The following SHROOM3 variants were observed in gnomAD, a reference collection of about 807,000 sequenced individuals.
SHROOM3 encodes the protein shroom family member 3.
SHROOM3 carries 47 observed loss-of-function variants against 138.6 expected under a neutral mutation model. The ratio of observed to expected loss-of-function variants is 0.34; its 90% CI spans 0.27 to 0.43. The LOEUF is 0.43. Among genes scored for constraint, SHROOM3 ranks in the 20% least tolerant of loss-of-function variants. SHROOM3 has a pLI of 1.00. For synonymous variants in SHROOM3, 1,062 were observed against 1,063.3 expected (o/e 1.00, Z 0.02); for missense variants, 2,491 against 2,596.5 (o/e 0.96, Z 0.88).
intron 4 of SHROOM3, among the ~76,000 whole-genome samples, chr4:76,731,780 CA>C (rs796647227): frequency 8.8e-6 from 1 of 113,482 alleles, no homozygotes; most frequent in Admixed American, 9.0e-5. Context: ...GACTTCATCT[CA>C]AAAAAAAAAC....
chr4:76,686,226 C>A (rs1476031136), intron 2 of SHROOM3, among the ~76,000 whole-genome samples: 1 of 151,976 alleles, frequency 6.6e-6, no homozygotes, highest in Non-Finnish European at 1.5e-5. Flanking sequence ...CCCTATGTTG[C>A]CCAGACTGGT....
At chr4:76,697,035 G>A (rs1304497299) in intron 2 of SHROOM3, among the ~76,000 whole-genome samples, 2 of 151,886 alleles carry the variant, frequency 1.3e-5, no homozygotes, top group Non-Finnish European at 2.9e-5. Flanking sequence ...TCCCATCTCA[G>A]CTTCCTGAGT....
intron 2 of SHROOM3, among the ~76,000 whole-genome samples, chr4:76,678,824 C>G (rs928410493): frequency 2.0e-5 from 3 of 152,092 alleles, no homozygotes; most frequent in African/African-American, 7.2e-5. Flanking sequence ...CCATGCCCGG[C>G]TAATTTTTTG....
intron 2 of SHROOM3, among the ~76,000 whole-genome samples, chr4:76,701,300 G>T (rs935588050): frequency 3.9e-5 from 6 of 152,098 alleles, no homozygotes; most frequent in African/African-American, 1.2e-4. Flanking sequence ...GAGGCTTTTG[G>T]TATTAAATGT....
chr4:76,718,168 T>A (rs984808802), intron 3 of SHROOM3, among the ~76,000 whole-genome samples: 6 of 152,228 alleles, frequency 3.9e-5, no homozygotes, highest in African/African-American at 1.4e-4. Context: ...GCTTATATTA[T>A]CAAATTTGCT....
In SHROOM3 at chr4:76,740,725, G is replaced by C; in HGVS notation, c.2552G>C (p.Gly851Ala). The change falls in exon 5 of 11, where the codon GGG becomes GCG. Residue 851 changes from glycine to alanine, a missense_variant. This residue lies in a region of SHROOM3 where 1,733 missense variants were observed against 1,661.6 expected (regional missense o/e 1.04). Transcript: ENST00000296043. The surrounding 1 kb of genome is among the most constrained non-coding windows in gnomAD (Gnocchi z 4.0). ...LGNGEQHFKNGELKLEEASRQ... is the reference protein window; with the variant it reads ...LGNGEQHFKNAELKLEEASRQ... ...AACGGGGAGCAGCACTTCAAAAACG[G>C]GGAGCTGAAGTTGGAAGAGGCTTCC... 1 of 1,613,538 alleles carries C rather than the reference G, an allele frequency of 6.2e-7. No homozygotes were observed. Among genetic ancestry groups the C allele is most frequent in the Admixed American group, 1.7e-5 (1 of 60,034 alleles).
intron 1 of SHROOM3, among the ~76,000 whole-genome samples, chr4:76,464,354 A>G (rs1031074663): frequency 1.3e-5 from 2 of 152,124 alleles, no homozygotes; most frequent in African/African-American, 4.8e-5. Context: ...TCCAATTTGG[A>G]AAGGGAGCAT....
chr4:76,652,523 G>A (rs1381944117), intron 2 of SHROOM3, among the ~76,000 whole-genome samples: 2 of 152,336 alleles, frequency 1.3e-5, no homozygotes, highest in East Asian at 3.9e-4. Context: ...GTTACACATA[G>A]CTGATGGGAC....
intron 2 of SHROOM3, among the ~76,000 whole-genome samples, chr4:76,666,173 G>A (rs572794312): frequency 1.3e-5 from 2 of 152,320 alleles, no homozygotes; most frequent in African/African-American, 4.8e-5. Context: ...TGCATTGTCG[G>A]TCTAGGGTTT....
intron 2 of SHROOM3, among the ~76,000 whole-genome samples, chr4:76,652,740 C>T (rs975124254): frequency 2.8e-5 from 4 of 141,604 alleles, no homozygotes; most frequent in African/African-American, 1.1e-4. Context: ...GTAAGAGATA[C>T]ACTTGAGTCT....
rs182835233 is a variant in SHROOM3 at position 76,707,534 on chromosome 4, G to A, written c.324-2622G>A. 2.9e-3 allele frequency among the ~76,000 whole-genome samples: 439 copies of A among 152,260 alleles called. 2 individuals carry two copies. The highest frequency in any genetic ancestry group is 0.01 in the African/African-American group (426 of 41,542). On this transcript the variant is annotated intron_variant, in intron 2 of 10. Coordinates refer to ENST00000296043, the MANE Select transcript of SHROOM3 (RefSeq NM_020859.4). ...CCAGTGGGGCACCATTCCCCGATAA[G>A]ATCAAAGCACATTGCAGACTTTGTC...
intron 2 of SHROOM3, among the ~76,000 whole-genome samples, chr4:76,616,398 A>G (rs1274533874): frequency 6.6e-6 from 1 of 152,224 alleles, no homozygotes; most frequent in East Asian, 1.9e-4. Context: ...CAAAAGGTGG[A>G]AGCAACCAAG....
At chr4:76,503,167 C>CCACACACACACACACA (rs111393161) in intron 1 of SHROOM3, among the ~76,000 whole-genome samples, 22,408 of 145,618 alleles carry the variant, frequency 0.15, 2,034 homozygotes, top group East Asian at 0.4. Context: ...TTGTCAACTT[C>CCACACACACACACACA]CACACACACA....
intron 2 of SHROOM3, among the ~76,000 whole-genome samples, chr4:76,658,281 T>C (rs1736110453): frequency 6.6e-6 from 1 of 152,186 alleles, no homozygotes; most frequent in South Asian, 2.1e-4. Context: ...ATTACAGAAA[T>C]TCCTGCTTCA....
At chr4:76,457,641 A>G (rs922836790) in intron 1 of SHROOM3, among the ~76,000 whole-genome samples, 15 of 151,442 alleles carry the variant, frequency 9.9e-5, no homozygotes, top group African/African-American at 3.6e-4. Context: ...ACAGGCACGC[A>G]CCACCACGCC....
intron 1 of SHROOM3, among the ~76,000 whole-genome samples, chr4:76,440,147 C>T (rs767528836): frequency 2.6e-5 from 4 of 152,284 alleles, no homozygotes; most frequent in South Asian, 4.1e-4. Flanking sequence ...CAGCAACTGC[C>T]GGTACTTATT....
chr4:76,721,118 C>G (rs1013523947), intron 3 of SHROOM3, among the ~76,000 whole-genome samples: 6 of 151,398 alleles, frequency 4.0e-5, no homozygotes, highest in African/African-American at 1.5e-4. Context: ...GAGACCATCC[C>G]GGCTAAAACG....
chr4:76,573,422 A>C (rs1195943012), intron 2 of SHROOM3: 1 of 140,810 alleles, frequency 7.1e-6, no homozygotes, highest in African/African-American at 2.6e-5. Flanking sequence ...AATAATAATA[A>C]TAATAATTTT....
intron 10 of SHROOM3, among the ~76,000 whole-genome samples, chr4:76,775,789 CATAT>C (rs557473829): frequency 2.0e-5 from 3 of 151,328 alleles, no homozygotes; most frequent in South Asian, 4.2e-4. Context: ...CATATATACA[CATAT>C]ATATACACAC....
Sources: gnomAD v4.1 joint callset for allele counts (sites outside exome capture counted in the v4.1 genomes callset) on GRCh38, gnomAD v4.1.1 for gene constraint, gnomAD v4.1.1 regional missense constraint, Gnocchi (gnomAD v3.1) non-coding constraint, MANE v1.5 for transcripts, NCBI Gene and HGNC (gene_info 2026-07-23, HGNC 2026-07-21) for gene names.